EPC2: variants seen among roughly 807,000 people sequenced by gnomAD.
The protein encoded by EPC2 is enhancer of polycomb homolog 2.
A neutral mutation model predicts 92.1 loss-of-function variants in EPC2; 14 were observed. The observed-to-expected ratio is 0.15, with a 90% confidence interval of 0.10 to 0.24. The LOEUF is 0.24. Among genes scored for constraint, EPC2 ranks in the 10% least tolerant of loss-of-function variants. The pLI is 1.00. For missense variants in EPC2, 755 were observed against 971.5 expected (o/e 0.78, Z 2.96); for synonymous variants, 340 against 334.7 (o/e 1.02, Z -0.17).
intron 2 of EPC2, among the ~76,000 whole-genome samples, chr2:148,718,461 G>C (rs1375587829): frequency 1.3e-5 from 2 of 152,158 alleles, no homozygotes; most frequent in Non-Finnish European, 2.9e-5. Flanking sequence ...GCATTTGCTT[G>C]TCTGAAAAGG....
chr2:148,778,379 C>G (rs1233730062), intron 10 of EPC2, among the ~76,000 whole-genome samples: 1 of 152,192 alleles, frequency 6.6e-6, no homozygotes, highest in African/African-American at 2.4e-5. Flanking sequence ...TTTGTTCACT[C>G]TATAACTATT....
chr2:148,645,774 G>C (rs1396187373), intron 1 of EPC2, among the ~76,000 whole-genome samples: 1 of 151,898 alleles, frequency 6.6e-6, no homozygotes, highest in South Asian at 2.1e-4. Context: ...AGGGCCGCCC[G>C]CCGGCCAGTT....
At chr2:148,662,974 A>G (rs1161717599) in intron 1 of EPC2, among the ~76,000 whole-genome samples, 2 of 151,588 alleles carry the variant, frequency 1.3e-5, no homozygotes, top group African/African-American at 4.8e-5. Context: ...GAGAATAGTG[A>G]TTCAGTCTCA....
At chr2:148,713,518 ATTTT>A (rs869091729) in intron 2 of EPC2, among the ~76,000 whole-genome samples, 1 of 152,070 alleles carries the variant, frequency 6.6e-6, no homozygotes, top group East Asian at 1.9e-4. Context: ...GAGAAAAAAA[ATTTT>A]TTTTAAGTTT....
At chr2:148,646,716 A>G (rs983255428) in intron 1 of EPC2, among the ~76,000 whole-genome samples, 3 of 152,092 alleles carry the variant, frequency 2.0e-5, no homozygotes, top group Non-Finnish European at 4.4e-5. Context: ...ACAACTTTGG[A>G]TATTTTTGCT....
At position 148,769,259 on chromosome 2, in the gene EPC2, G is replaced by T. The variant is rs753753207; in HGVS notation, c.1230+19G>T. 3.8e-6 allele frequency: 6 copies of T among 1,574,550 alleles called. No homozygotes were observed. Among genetic ancestry groups the T allele is most frequent in the South Asian group, 1.1e-5 (1 of 87,676 alleles). ...TTATGCTGTAAGAACTTTTGTGTGT[G>T]TGTGGTGTTTTTGTGAACTGGAATT... On this transcript the variant is annotated intron_variant, in intron 8 of 13. Coordinates refer to ENST00000258484, the MANE Select transcript of EPC2 (RefSeq NM_015630.4).
chr2:148,783,768 G>T lies in EPC2; in HGVS notation c.2017+12G>T, dbSNP rs755602946. On this transcript the variant is annotated intron_variant, in intron 12 of 13. Transcript: ENST00000258484. ...TGTCCAGCCTTCAGGTACAGCTGGGGTTTCACATGGTACCTACTTTCTTGA... is the reference window on the plus strand; with the variant it reads ...TGTCCAGCCTTCAGGTACAGCTGGGTTTTCACATGGTACCTACTTTCTTGA... 1 of 1,579,366 alleles carries T rather than the reference G, an allele frequency of 6.3e-7. No homozygotes were observed. The highest frequency in any genetic ancestry group is 8.6e-7 in the Non-Finnish European group (1 of 1,161,010).
intron 1 of EPC2, among the ~76,000 whole-genome samples, chr2:148,682,913 A>G (rs1384539146): frequency 6.6e-6 from 1 of 152,122 alleles, no homozygotes; most frequent in Non-Finnish European, 1.5e-5. Flanking sequence ...GCAACCAACT[A>G]ATATATTTAA....
At chr2:148,742,651 A>C (rs1022750992) in intron 2 of EPC2, among the ~76,000 whole-genome samples, 5 of 151,848 alleles carry the variant, frequency 3.3e-5, no homozygotes, top group Non-Finnish European at 7.4e-5. Flanking sequence ...GTGGTTGTGC[A>C]CACCTGTAGT....
chr2:148,777,227 T>C (rs1432362883), intron 10 of EPC2, among the ~76,000 whole-genome samples: 6 of 151,756 alleles, frequency 4.0e-5, no homozygotes, highest in Admixed American at 2.0e-4. Context: ...ACTGACCTGG[T>C]AGATGAAGAA....
intron 1 of EPC2, among the ~76,000 whole-genome samples, chr2:148,646,252 CT>C: frequency 6.6e-6 from 1 of 152,162 alleles, no homozygotes; most frequent in Non-Finnish European, 1.5e-5. Context: ...TTGGTTTTCT[CT>C]TTTGACTATT....
chr2:148,657,742 T>C (rs1267625823), intron 1 of EPC2, among the ~76,000 whole-genome samples: 1 of 152,098 alleles, frequency 6.6e-6, no homozygotes, highest in East Asian at 1.9e-4. Flanking sequence ...TAGAATTGAT[T>C]TGTCTAGGTA....
intron 7 of EPC2, among the ~76,000 whole-genome samples, chr2:148,767,165 TCCAG>T (rs1683425592): frequency 6.9e-6 from 1 of 145,114 alleles, no homozygotes; most frequent in Non-Finnish European, 1.5e-5. Context: ...ACCACTGTAC[TCCAG>T]CCTGGGCGAC....
intron 1 of EPC2, among the ~76,000 whole-genome samples, chr2:148,676,282 A>G (rs1208867350): frequency 6.6e-6 from 1 of 152,130 alleles, no homozygotes; most frequent in Non-Finnish European, 1.5e-5. Flanking sequence ...AGAATGTCAA[A>G]GTAGCTATAA....
intron 2 of EPC2, among the ~76,000 whole-genome samples, chr2:148,721,709 A>ATT (rs1682376737): frequency 9.5e-6 from 1 of 105,014 alleles, no homozygotes; most frequent in Admixed American, 9.8e-5. Flanking sequence ...ATTCTGTTTT[A>ATT]TTCTTTTTTT....
At chr2:148,726,456 C>T (rs2105394401) in intron 2 of EPC2, among the ~76,000 whole-genome samples, 1 of 152,242 alleles carries the variant, frequency 6.6e-6, no homozygotes, top group African/African-American at 2.4e-5. Context: ...TCTCCAAATC[C>T]TTGCCAACAT....
chr2:148,661,302 A>G (rs1680928110), intron 1 of EPC2, among the ~76,000 whole-genome samples: 1 of 152,098 alleles, frequency 6.6e-6, no homozygotes, highest in Non-Finnish European at 1.5e-5. Context: ...TCTATTTGGT[A>G]TTGTAAATGG....
At chr2:148,782,189 G>A (rs909488695) in intron 11 of EPC2, among the ~76,000 whole-genome samples, 6 of 152,140 alleles carry the variant, frequency 3.9e-5, no homozygotes, top group African/African-American at 1.4e-4. Context: ...CAGTTGAATT[G>A]TGCAATACAT....
chr2:148,650,390 T>C (rs1054745560), intron 1 of EPC2, among the ~76,000 whole-genome samples: 1 of 152,170 alleles, frequency 6.6e-6, no homozygotes, highest in Admixed American at 6.5e-5. Flanking sequence ...ATATCCTCTT[T>C]TCCTCTTGAG....
Sources: allele counts gnomAD v4.1 joint callset (sites outside exome capture counted in the v4.1 genomes callset), GRCh38; gene constraint gnomAD v4.1.1; transcripts MANE v1.5; gene names NCBI Gene and HGNC (gene_info 2026-07-23, HGNC 2026-07-21).